Variants in FAM151B observed in about 807,000 individuals in gnomAD.
FAM151B encodes the protein protein FAM151B.
FAM151B carries 24 observed loss-of-function variants against 31.2 expected under a neutral mutation model. That is an observed-to-expected ratio of 0.77 (90% CI 0.56 to 1.08). The LOEUF is 1.08. Among genes scored for constraint, FAM151B ranks in the 50% least tolerant of loss-of-function variants. The probability of loss-of-function intolerance (pLI) is 0.00; values close to 1 mark genes in which losing one functional copy is unlikely to be tolerated. For synonymous variants in FAM151B, 105 were observed against 111.4 expected, an observed-to-expected ratio of 0.94 and a Z score of 0.36; for missense variants, 293 against 328.6, an observed-to-expected ratio of 0.89 and a Z score of 0.84.
chr5:80,522,256 A>G, intron 5 of FAM151B, 118 bp downstream of exon 5: 2 of 1,049,086 alleles, frequency 1.9e-6, no homozygotes, highest in Non-Finnish European at 2.7e-6. Context: ...CAGAAAAGGA[A>G]TGAAAACTGA....
At chr5:80,522,353 C>T (rs936350802) in intron 5 of FAM151B, 31 of 416,836 alleles carry the variant, frequency 7.4e-5, no homozygotes, top group Non-Finnish European at 9.5e-5. Flanking sequence ...ACCCCTATTC[C>T]TCACAAAAGT....
chr5:80,506,508 CTATT>C (rs1308077157), intron 2 of FAM151B, among the ~76,000 whole-genome samples: 1 of 152,154 alleles, frequency 6.6e-6, no homozygotes, highest in Admixed American at 6.5e-5. Flanking sequence ...ATCTGAATTT[CTATT>C]TATTTGCCGC....
chr5:80,501,885 A>C lies in FAM151B; in HGVS notation c.119A>C (p.Asn40Thr), dbSNP rs1367404985. The change falls in exon 2 of 6, where the codon AAC (asparagine) becomes ACC (threonine). Residue 40 changes from asparagine (N) to threonine (T), a missense_variant. By Grantham distance (65) the Asn-to-Thr change is moderately conservative (BLOSUM62 0). Coordinates refer to ENST00000282226, the MANE Select transcript of FAM151B (RefSeq NM_205548.3). Reference protein sequence around the residue: ...GAEITWYHAANHKAQTNEALK... With the variant: ...GAEITWYHAATHKAQTNEALK... ...GAGATCACCTGGTATCATGCAGCTA[A>C]CCACAAGGCACAAACAAATGAGGCA... 1 of 1,603,590 alleles carries C rather than the reference A, an allele frequency of 6.2e-7. No individual in the cohort carries two copies. The highest frequency in any genetic ancestry group is 1.3e-5 in the African/African-American group (1 of 74,784).
intron 5 of FAM151B, among the ~76,000 whole-genome samples, chr5:80,538,483 T>TTTCC (rs1423375528): frequency 3.6e-4 from 36 of 101,082 alleles, no homozygotes; most frequent in South Asian, 1.7e-3. Flanking sequence ...TCTTTCTTTC[T>TTTCC]TTCCTTCCTT....
At chr5:80,533,766 AAAG>A (rs1212104433) in intron 5 of FAM151B, among the ~76,000 whole-genome samples, 4 of 151,552 alleles carry the variant, frequency 2.6e-5, no homozygotes, top group African/African-American at 9.6e-5. Flanking sequence ...AAAAAAAAAA[AAAG>A]AGCAGAAATA....
intron 4 of FAM151B, 59 bp from the exon 5 acceptor site, chr5:80,521,944 A>G: frequency 7.6e-7 from 1 of 1,308,984 alleles, no homozygotes; most frequent in Non-Finnish European, 1.1e-6. Context: ...TTAGTCTTTT[A>G]TTTAATTGTC....
At position 80,542,013 on chromosome 5, in the gene FAM151B, G is replaced by C; in HGVS notation, c.*181G>C. 1.7e-6 allele frequency: 1 copy of C among 598,764 alleles called. No homozygotes were observed. The highest frequency in any genetic ancestry group is 2.5e-5 in the South Asian group (1 of 40,338). 37.1% of individuals were successfully genotyped at this position (598,764 alleles called of 1,614,324 possible). ...CTTATAATAGTGCACTTACATAAAA[G>C]ATTTGGAAAGAAGAGATTTATTTAC... is the stretch of plus-strand genomic sequence containing the variant. On this transcript the variant is annotated 3_prime_UTR_variant, in exon 6 of 6. Coordinates refer to ENST00000282226, the MANE Select transcript of FAM151B (RefSeq NM_205548.3).
intron 1 of FAM151B, chr5:80,500,236 T>G: frequency 5.5e-6 from 3 of 549,052 alleles, no homozygotes; most frequent in Non-Finnish European, 6.5e-6. Flanking sequence ...ACAATGGCTA[T>G]GGGGAGGGGG....
rs115286280 is a variant in FAM151B, at chr5:80,512,216, A to G, written c.152-1388A>G. 1.6e-3 allele frequency among the ~76,000 whole-genome samples: 248 copies of G among 152,328 alleles called. 2 individuals are homozygous for G. The highest frequency in any genetic ancestry group is 5.7e-3 in the African/African-American group (235 of 41,586). The stretch of plus-strand genomic sequence containing the variant: ...CAAGATCACAGTTCTTTGGGTGACT[A>G]TGTGTATGATGGCAACCCATCACAG... On this transcript the variant is annotated intron_variant, in intron 2 of 5. Coordinates refer to ENST00000282226, the MANE Select transcript of FAM151B (RefSeq NM_205548.3).
At chr5:80,513,798 G>T (rs1293210750) in intron 3 of FAM151B, 29 bp downstream of exon 3, 6 of 1,570,890 alleles carry the variant, frequency 3.8e-6, no homozygotes, top group Admixed American at 2.0e-5. Flanking sequence ...TCAATTTTCT[G>T]GGAAAAAAGT....
At chr5:80,510,685 T>C (rs1424314085) in intron 2 of FAM151B, 1 of 152,244 alleles carries the variant, frequency 6.6e-6, no homozygotes, top group Non-Finnish European at 1.5e-5. Context: ...TTCAAGTTGT[T>C]ACCAGTAAAG....
rs386404255 is a variant in FAM151B, at chr5:80,505,749, A to ATTTT, written c.151+3854_151+3857dup. Among the ~76,000 whole-genome samples, 560 of 77,866 alleles carry ATTTT rather than the reference A, an allele frequency of 7.2e-3. 13 individuals carry two copies. Among genetic ancestry groups the ATTTT allele is most frequent in the African/African-American group, 0.017 (290 of 17,104 alleles). The allele number at this position is 77,866 out of a possible 152,430, so 51.1% of individuals were successfully genotyped here. On this transcript the variant is annotated intron_variant, in intron 2 of 5. Coordinates refer to ENST00000282226, the MANE Select transcript of FAM151B (RefSeq NM_205548.3). ...TCCCCTTTTCTTTCTTCCTATAAGAATTTTTTTTTTTTTTTTTTTTTTTTT... is the reference window on the plus strand; with the variant it reads ...TCCCCTTTTCTTTCTTCCTATAAGAATTTTTTTTTTTTTTTTTTTTTTTTTTTTT...
At chr5:80,490,019 T>TACACACACAC (rs71601587) in intron 1 of FAM151B, among the ~76,000 whole-genome samples, 52,016 of 144,378 alleles carry the variant, frequency 0.36, 10,693 homozygotes, top group Non-Finnish European at 0.46. Flanking sequence ...TTTTCCCCCT[T>TACACACACAC]ACACACACAC....
At chr5:80,539,719 TGAGCTCAGGC>T (rs1370971160) in intron 5 of FAM151B, among the ~76,000 whole-genome samples, 1 of 151,954 alleles carries the variant, frequency 6.6e-6, no homozygotes, top group Non-Finnish European at 1.5e-5. Flanking sequence ...CTTGAACTCC[TGAGCTCAGGC>T]AATCGGCCTG....
intron 2 of FAM151B, among the ~76,000 whole-genome samples, chr5:80,508,145 G>C (rs572912469): frequency 6.6e-6 from 1 of 152,188 alleles, no homozygotes; most frequent in South Asian, 2.1e-4. Flanking sequence ...TTTGTATGTA[G>C]ATATACCACA....
At chr5:80,494,465 T>TTTTCC (rs1743442577) in intron 1 of FAM151B, among the ~76,000 whole-genome samples, 1 of 76,706 alleles carries the variant, frequency 1.3e-5, no homozygotes, top group Non-Finnish European at 2.6e-5. Context: ...CTTTTCTTTC[T>TTTTCC]TTCTTTCTTT....
At chr5:80,494,480 C>CTTTA (rs1396267102) in intron 1 of FAM151B, among the ~76,000 whole-genome samples, 7 of 139,090 alleles carry the variant, frequency 5.0e-5, no homozygotes, top group African/African-American at 1.7e-4. Context: ...TTCTTTCTTT[C>CTTTA]TTTCTTTCTT....
At chr5:80,500,964 A>G (rs528246784) in intron 1 of FAM151B, 24 of 697,088 alleles carry the variant, frequency 3.4e-5, no homozygotes, top group South Asian at 2.2e-4. Context: ...GGCCCTTCAA[A>G]TTATCTTCGC....
chr5:80,536,618 A>G (rs1422247441), intron 5 of FAM151B, among the ~76,000 whole-genome samples: 1 of 152,210 alleles, frequency 6.6e-6, no homozygotes, highest in Non-Finnish European at 1.5e-5. Flanking sequence ...AGCACTATTC[A>G]CAATAGCCAA....
Sources: allele counts gnomAD v4.1 joint callset (sites outside exome capture counted in the v4.1 genomes callset), GRCh38; gene constraint gnomAD v4.1.1; transcripts MANE v1.5; gene names NCBI Gene and HGNC (gene_info 2026-07-23, HGNC 2026-07-21).